NRCAM: variants seen among roughly 807,000 people sequenced by gnomAD.
NRCAM encodes NgCAM-related cell adhesion molecule.
NRCAM carries 83 observed loss-of-function variants against 156.5 expected under a neutral mutation model. The observed-to-expected ratio is 0.53, with a 90% CI of 0.44 to 0.64. The LOEUF is 0.64. NRCAM is among the 30% of genes least tolerant of loss of function. The probability of loss-of-function intolerance (pLI) is 0.00; values close to 1 mark genes in which losing one functional copy is unlikely to be tolerated. For missense variants in NRCAM, 1,417 were observed against 1,597.3 expected, an observed-to-expected ratio of 0.89 and a Z score of 1.92; for synonymous variants, 538 against 563.9, an observed-to-expected ratio of 0.95 and a Z score of 0.65.
chr7:108,176,789 A>T, intron 26 of NRCAM, 183 bp from the exon 27 acceptor site: 1 of 537,154 alleles, frequency 1.9e-6, no homozygotes. Context: ...ATGTTCTATC[A>T]TATCGTATCA....
chr7:108,164,582 G>A (rs903343129), intron 30 of NRCAM, among the ~76,000 whole-genome samples: 2 of 152,048 alleles, frequency 1.3e-5, no homozygotes, highest in Non-Finnish European at 2.9e-5. Flanking sequence ...GGAGGAGCAG[G>A]AGCAGGAGCA....
intron 1 of NRCAM, among the ~76,000 whole-genome samples, chr7:108,431,734 A>C (rs1188439727): frequency 6.6e-6 from 1 of 152,204 alleles, no homozygotes; most frequent in East Asian, 1.9e-4. Flanking sequence ...GCAGTGAGCT[A>C]GGATCATGCC....
Position 108,257,176 on chromosome 7 carries a change from G to T in NRCAM, c.-106-17006C>A, listed in dbSNP as rs577240747. On this transcript the variant is annotated intron_variant, in intron 3 of 32. Transcript: ENST00000379028. ...CTATAGAATCAGAGAACAGATTAGT[G>T]GCTGCTGGGGCCTGGGGTAGGAGAG... Among the ~76,000 whole-genome samples, 3 of 152,188 alleles carry T rather than the reference G, an allele frequency of 2.0e-5. No homozygotes were observed. The South Asian group carries it at 6.2e-4, about 32-fold the overall frequency.
intron 2 of NRCAM, among the ~76,000 whole-genome samples, chr7:108,369,767 C>T (rs1022958897): frequency 6.6e-6 from 1 of 152,200 alleles, no homozygotes; most frequent in Middle Eastern, 3.4e-3. Flanking sequence ...TATAATTAAG[C>T]ATCTGTTTGC....
intron 11 of NRCAM, among the ~76,000 whole-genome samples, chr7:108,212,699 A>T (rs1361903210): frequency 6.6e-6 from 1 of 152,138 alleles, no homozygotes; most frequent in Non-Finnish European, 1.5e-5. Context: ...ACAAATACAA[A>T]GAGAAAAGAA....
chr7:108,197,813 G>C (rs897216215), intron 14 of NRCAM, 143 bp downstream of exon 14: 5 of 511,166 alleles, frequency 9.8e-6, no homozygotes, highest in Non-Finnish European at 1.6e-5. Context: ...TTTGGGGCAA[G>C]GTTTATATCT....
rs2099674268 is a variant in NRCAM at position 108,376,058 on chromosome 7, G to T, written c.-174+23378C>A. Among the ~76,000 whole-genome samples, 3 of 152,282 alleles carry T rather than the reference G, an allele frequency of 2.0e-5. No homozygotes were observed. The South Asian group carries it at 6.2e-4, about 32-fold the overall frequency. ...GATGGACACCTGTTGGTGTTTGGTT[G>T]TTTAAGACTTAGGCCTGGTTTCTAA... On this transcript the variant is annotated intron_variant, in intron 2 of 32. Coordinates refer to ENST00000379028, the MANE Select transcript of NRCAM (RefSeq NM_001037132.4).
At position 108,149,302 on chromosome 7, in the gene NRCAM, G is replaced by C. The variant is rs1299268002; in HGVS notation, c.*608C>G. 6.6e-6 allele frequency: 1 copy of C among 152,584 alleles called. No homozygotes were observed. Among genetic ancestry groups the C allele is most frequent in the Non-Finnish European group, 1.5e-5 (1 of 68,102 alleles). 9.5% of individuals were successfully genotyped at this position (152,584 alleles called of 1,614,324 possible). On this transcript the variant is annotated 3_prime_UTR_variant, in exon 33 of 33. Transcript: ENST00000379028. Reference sequence around the variant, plus strand: ...ACGGAGTAACAGGAGCCAAGAGTAGGTAATAGTTCTCAGTAAGCATCAGCA... The same window carrying C: ...ACGGAGTAACAGGAGCCAAGAGTAGCTAATAGTTCTCAGTAAGCATCAGCA...
intron 2 of NRCAM, among the ~76,000 whole-genome samples, chr7:108,398,635 C>T (rs1185695740): frequency 6.6e-6 from 1 of 152,180 alleles, no homozygotes; most frequent in Admixed American, 6.5e-5. Context: ...CTGCTCTTTA[C>T]CTAACTCCTA....
chr7:108,269,679 GT>G (rs1230146930), intron 3 of NRCAM, among the ~76,000 whole-genome samples: 1 of 152,148 alleles, frequency 6.6e-6, no homozygotes, highest in African/African-American at 2.4e-5. Flanking sequence ...ACTGTAATGA[GT>G]TATATGCTTG....
At chr7:108,298,833 C>T (rs116991127) in intron 3 of NRCAM, among the ~76,000 whole-genome samples, 4 of 151,052 alleles carry the variant, frequency 2.6e-5, no homozygotes, top group East Asian at 3.9e-4. Context: ...CGGGGCCAGG[C>T]GCAGTGGCTC....
chr7:108,220,981 C>T (rs1178423222), intron 11 of NRCAM, among the ~76,000 whole-genome samples: 2 of 152,030 alleles, frequency 1.3e-5, no homozygotes, highest in African/African-American at 4.8e-5. Context: ...GAATCTACAA[C>T]AAACTCAAAC....
chr7:108,194,505 G>T, intron 15 of NRCAM, 77 bp from the exon 16 acceptor site: 1 of 956,840 alleles, frequency 1.0e-6, no homozygotes, highest in Non-Finnish European at 1.5e-6. Flanking sequence ...CCATGTTCAA[G>T]GTCAACATGA....
At chr7:108,235,610 C>G (rs893316000) in intron 5 of NRCAM, among the ~76,000 whole-genome samples, 10 of 152,188 alleles carry the variant, frequency 6.6e-5, no homozygotes, top group African/African-American at 1.9e-4. Context: ...ACTGCTTGCA[C>G]AACTCCATGG....
intron 2 of NRCAM, among the ~76,000 whole-genome samples, chr7:108,368,234 A>ACCCCC (rs1372350824): frequency 1.7e-5 from 1 of 60,360 alleles, no homozygotes. Flanking sequence ...ACCCCCCCCC[A>ACCCCC]CCCCCCCGCC....
intron 2 of NRCAM, among the ~76,000 whole-genome samples, chr7:108,393,301 AGATC>A (rs1360541609): frequency 6.6e-6 from 1 of 152,136 alleles, no homozygotes; most frequent in Non-Finnish European, 1.5e-5. Context: ...GCCACCTTGC[AGATC>A]GATCTCAGAC....
rs371429941 is a variant in NRCAM at position 108,194,248 on chromosome 7, T to G, written c.1630+14A>C. On this transcript the variant is annotated intron_variant, in intron 16 of 32. Transcript: ENST00000379028. ...AAAGTCATTTAAAAATTAAACACAT[T>G]ACCTCTGCCTTACCTTTGATTTCTA... 4.0e-4 allele frequency: 650 copies of G among 1,611,392 alleles called. No homozygotes were observed. The highest frequency in any genetic ancestry group is 5.0e-4 in the Non-Finnish European group (589 of 1,178,110).
chr7:108,352,375 G>A (rs1248841131), intron 2 of NRCAM, among the ~76,000 whole-genome samples: 1 of 152,166 alleles, frequency 6.6e-6, no homozygotes, highest in Non-Finnish European at 1.5e-5. Context: ...TAATCAAAGA[G>A]CTACTGAACA....
At chr7:108,192,041 A>G (rs1406567044) in intron 17 of NRCAM, among the ~76,000 whole-genome samples, 188 bp from the exon 18 acceptor site, 1 of 152,264 alleles carries the variant, frequency 6.6e-6, no homozygotes, top group Non-Finnish European at 1.5e-5. Context: ...ATCAATTAGA[A>G]TATTGGGTTA....
Sources: allele counts gnomAD v4.1 joint callset (sites outside exome capture counted in the v4.1 genomes callset), GRCh38; gene constraint gnomAD v4.1.1; transcripts MANE v1.5; gene names NCBI Gene and HGNC (gene_info 2026-07-23, HGNC 2026-07-21).